The following MAST4 variants were observed in gnomAD, a reference collection of about 807,000 sequenced individuals.
MAST4 encodes microtubule-associated serine/threonine-protein kinase 4.
Under a neutral mutation model 162.7 loss-of-function variants are expected in MAST4, and 89 were observed. The ratio of observed to expected loss-of-function variants is 0.55; its 90% CI spans 0.46 to 0.65. The LOEUF (loss-of-function observed/expected upper bound fraction) is 0.65. MAST4 is among the 30% of genes least tolerant of loss of function. The probability of loss-of-function intolerance (pLI) is 0.00; values close to 1 mark genes in which losing one functional copy is unlikely to be tolerated. For synonymous variants in MAST4, 1,479 were observed against 1,361.1 expected, an observed-to-expected ratio of 1.09 and a Z score of -1.91; for missense variants, 3,153 against 3,374.0, an observed-to-expected ratio of 0.93 and a Z score of 1.62.
At chr5:66,879,768 C>T (rs36137) in intron 3 of MAST4, among the ~76,000 whole-genome samples, 50,419 of 152,114 alleles carry the variant, frequency 0.33, 9,637 homozygotes, top group Non-Finnish European at 0.44. Flanking sequence ...CAGCCTTGGC[C>T]TCCCAAAGTT....
intron 21 of MAST4, 57 bp downstream of exon 21, chr5:67,142,590 C>G (rs1770529888): frequency 3.4e-6 from 4 of 1,159,428 alleles, no homozygotes; most frequent in Non-Finnish European, 5.0e-6. Context: ...TCCCGCTGGC[C>G]AGATAGTATC....
chr5:66,686,686 T>G (rs769649589), intron 1 of MAST4, among the ~76,000 whole-genome samples: 2 of 152,200 alleles, frequency 1.3e-5, no homozygotes, highest in Non-Finnish European at 2.9e-5. Flanking sequence ...CATTCTTCCC[T>G]GCCCTCCAAC....
intron 3 of MAST4, among the ~76,000 whole-genome samples, chr5:66,851,110 T>G (rs1258767710): frequency 6.6e-6 from 1 of 152,196 alleles, no homozygotes; most frequent in Non-Finnish European, 1.5e-5. Flanking sequence ...TTTCAAAACA[T>G]TTTCAAATCA....
intron 1 of MAST4, among the ~76,000 whole-genome samples, chr5:66,635,618 C>G (rs1745059753): frequency 6.6e-6 from 1 of 152,090 alleles, no homozygotes; most frequent in Non-Finnish European, 1.5e-5. Flanking sequence ...GAAAGCTAAA[C>G]TTTCCAGCAG....
intron 2 of MAST4, among the ~76,000 whole-genome samples, chr5:66,769,180 T>C (rs529177878): frequency 1.3e-5 from 2 of 152,330 alleles, no homozygotes; most frequent in Non-Finnish European, 1.5e-5. Flanking sequence ...CTGGGTATAC[T>C]GGTTCCAGAA....
At chr5:66,820,359 A>G (rs560582542) in intron 3 of MAST4, among the ~76,000 whole-genome samples, 75 of 152,306 alleles carry the variant, frequency 4.9e-4, no homozygotes, top group Admixed American at 3.9e-4. Context: ...TTAACATATG[A>G]GTTTCTAAAG....
chr5:67,088,878 G>A (rs2150781702), intron 5 of MAST4, among the ~76,000 whole-genome samples: 1 of 152,310 alleles, frequency 6.6e-6, no homozygotes, highest in Middle Eastern at 3.4e-3. Context: ...GCAACCTTCA[G>A]TTAATTGAGA....
chr5:66,646,064 A>G (rs999487009), intron 1 of MAST4, among the ~76,000 whole-genome samples: 5 of 152,182 alleles, frequency 3.3e-5, no homozygotes, highest in Non-Finnish European at 5.9e-5. Flanking sequence ...ATAGGAAATT[A>G]TAGGGCATTT....
chr5:66,612,421 C>T (rs145420197), intron 1 of MAST4, among the ~76,000 whole-genome samples: 4 of 152,196 alleles, frequency 2.6e-5, no homozygotes, highest in Admixed American at 1.3e-4. Context: ...GCTGCCAACT[C>T]GGCTTGCTCT....
intron 4 of MAST4, among the ~76,000 whole-genome samples, chr5:67,015,771 A>G (rs1413498815): frequency 6.6e-6 from 1 of 152,204 alleles, no homozygotes; most frequent in Non-Finnish European, 1.5e-5. Context: ...TGGGAAGTTA[A>G]TTACATTTAC....
At chr5:66,932,411 A>G (rs1156454991) in intron 4 of MAST4, among the ~76,000 whole-genome samples, 1 of 152,194 alleles carries the variant, frequency 6.6e-6, no homozygotes, top group Admixed American at 6.5e-5. Context: ...GTGGAAGTGG[A>G]GGTGACTGAG....
chr5:66,692,166 GTC>G (rs1749083643), intron 1 of MAST4, among the ~76,000 whole-genome samples: 3 of 152,090 alleles, frequency 2.0e-5, no homozygotes, highest in Non-Finnish European at 4.4e-5. Flanking sequence ...CATGTGCTCT[GTC>G]TCTCGCTCGC....
intron 3 of MAST4, among the ~76,000 whole-genome samples, chr5:66,882,701 A>G (rs551403054): frequency 1.3e-5 from 2 of 152,294 alleles, no homozygotes; most frequent in East Asian, 1.9e-4. Context: ...TAACACCAGC[A>G]TCTTGACTAC....
intron 4 of MAST4, among the ~76,000 whole-genome samples, chr5:66,915,717 G>A (rs768401556): frequency 7.2e-5 from 11 of 152,066 alleles, no homozygotes; most frequent in Non-Finnish European, 1.3e-4. Flanking sequence ...TGCTGTCTTG[G>A]GGACACAGGT....
At chr5:66,673,435 A>AT (rs11376866) in intron 1 of MAST4, among the ~76,000 whole-genome samples, 80,309 of 151,402 alleles carry the variant, frequency 0.53, 22,524 homozygotes, top group African/African-American at 0.71. Flanking sequence ...TTTACTTACC[A>AT]CTTATGAAGT....
intron 1 of MAST4, among the ~76,000 whole-genome samples, chr5:66,681,230 C>A (rs996551337): frequency 6.6e-6 from 1 of 152,342 alleles, no homozygotes; most frequent in East Asian, 1.9e-4. Flanking sequence ...TTTCCATTCT[C>A]CTTATTTAAC....
intron 2 of MAST4, among the ~76,000 whole-genome samples, chr5:66,773,317 T>G (rs776365107): frequency 3.4e-4 from 52 of 152,206 alleles, no homozygotes; most frequent in Non-Finnish European, 6.2e-4. Context: ...CACCACACAT[T>G]GTCAGGGCTA....
chr5:67,011,076 T>A (rs1424191871), intron 4 of MAST4, among the ~76,000 whole-genome samples: 1 of 152,144 alleles, frequency 6.6e-6, no homozygotes, highest in Non-Finnish European at 1.5e-5. Flanking sequence ...CCTTTTCACC[T>A]CCCTCTGGAA....
At chr5:67,064,237 C>T (rs1414976113) in intron 5 of MAST4, among the ~76,000 whole-genome samples, 1 of 152,084 alleles carries the variant, frequency 6.6e-6, no homozygotes, top group Admixed American at 6.6e-5. Flanking sequence ...CAGCAGGAGA[C>T]TGAGAAGCAG....
Sources: allele counts gnomAD v4.1 joint callset (sites outside exome capture counted in the v4.1 genomes callset), GRCh38; gene constraint gnomAD v4.1.1; transcripts MANE v1.5; gene names NCBI Gene and HGNC (gene_info 2026-07-23, HGNC 2026-07-21).